NPTN: variants seen among roughly 807,000 people sequenced by gnomAD.
The protein encoded by NPTN is neuroplastin, also known as SDR-1.
Under a neutral mutation model 42.7 loss-of-function variants are expected in NPTN, and 5 were observed. That is an observed-to-expected ratio of 0.12 (90% CI 0.06 to 0.25). The LOEUF is 0.25. Among genes scored for constraint, NPTN ranks in the 10% least tolerant of loss-of-function variants. The pLI, the probability that NPTN is intolerant of heterozygous loss-of-function variation, is 1.00. For synonymous variants in NPTN, 180 were observed against 201.9 expected, an observed-to-expected ratio of 0.89 and a Z score of 0.92; for missense variants, 307 against 525.4, an observed-to-expected ratio of 0.58 and a Z score of 4.06.
At position 73,597,248 on chromosome 15, in the gene NPTN, C is replaced by T. The variant is rs1413846645; in HGVS notation, c.213G>A (p.Arg71=). ...CCCACAGCTGTCTGAAAGACTCTGC[C>T]CGGTTGACTTCTGCGTACCACCACT... ...EIQWWYAEVN[R]AESFRQLWDG... is the part of the protein sequence containing the mutation. The change falls in exon 2 of 9, where the codon CGG becomes CGA. Residue 71 remains arginine (R), a synonymous_variant. Transcript: ENST00000345330. The surrounding 1 kb of genome is among the most constrained non-coding windows in gnomAD (Gnocchi z 6.3). The T allele has an allele frequency of 2.5e-6, 4 of 1,613,924 alleles. No homozygotes were observed. In the Admixed American group the frequency reaches 6.7e-5, roughly 27 times the overall value.
At chr15:73,609,951 T>C (rs960054881) in intron 1 of NPTN, among the ~76,000 whole-genome samples, 46 of 152,350 alleles carry the variant, frequency 3.0e-4, no homozygotes, top group African/African-American at 1.1e-3. Context: ...ATTACTGTTA[T>C]AGTAATCCTA....
At chr15:73,621,274 A>T (rs1274410691) in intron 1 of NPTN, among the ~76,000 whole-genome samples, 1 of 152,250 alleles carries the variant, frequency 6.6e-6, no homozygotes, top group Non-Finnish European at 1.5e-5. Context: ...TAATTCAATG[A>T]AAAGACTGGC....
intron 1 of NPTN, among the ~76,000 whole-genome samples, chr15:73,618,306 A>G (rs1276885004): frequency 6.6e-6 from 1 of 152,208 alleles, no homozygotes; most frequent in African/African-American, 2.4e-5. Context: ...TCTACCATAC[A>G]AAGAAAGTCA....
intron 4 of NPTN, among the ~76,000 whole-genome samples, chr15:73,585,672 C>T (rs1896283278): frequency 6.6e-6 from 1 of 152,164 alleles, no homozygotes; most frequent in Non-Finnish European, 1.5e-5. Flanking sequence ...GAGATAAACA[C>T]ACAGTATATC....
chr15:73,627,911 TA>T (rs1329417792), intron 1 of NPTN, among the ~76,000 whole-genome samples: 1 of 152,142 alleles, frequency 6.6e-6, no homozygotes, highest in Non-Finnish European at 1.5e-5. Flanking sequence ...TATATAAGCC[TA>T]AAATATGTAA....
intron 1 of NPTN, among the ~76,000 whole-genome samples, chr15:73,628,653 A>T (rs1898564721): frequency 6.6e-6 from 1 of 152,198 alleles, no homozygotes; most frequent in African/African-American, 2.4e-5. Context: ...TCTTACTTTT[A>T]AAAAGTACCT....
At chr15:73,615,804 T>C (rs1347743772) in intron 1 of NPTN, among the ~76,000 whole-genome samples, 3 of 152,166 alleles carry the variant, frequency 2.0e-5, no homozygotes, top group Non-Finnish European at 4.4e-5. Flanking sequence ...TTTCCAGTTC[T>C]TACTGACAGA....
intron 4 of NPTN, among the ~76,000 whole-genome samples, chr15:73,586,563 A>G (rs1896328900): frequency 6.6e-6 from 1 of 152,200 alleles, no homozygotes; most frequent in Non-Finnish European, 1.5e-5. Context: ...GAATGTGTCT[A>G]AGCCTTTCTT....
At chr15:73,630,820 G>A (rs1595981433) in intron 1 of NPTN, among the ~76,000 whole-genome samples, 2 of 152,096 alleles carry the variant, frequency 1.3e-5, no homozygotes, top group East Asian at 1.9e-4. Flanking sequence ...ATCACTGCAG[G>A]GCTATTTATT....
intron 3 of NPTN, among the ~76,000 whole-genome samples, chr15:73,589,005 T>A (rs915665164): frequency 7.2e-5 from 11 of 151,958 alleles, no homozygotes; most frequent in African/African-American, 2.4e-4. Context: ...CAGATTCAGA[T>A]CAAGTTAAGC....
chr15:73,573,526 A>C, intron 5 of NPTN, 136 bp downstream of exon 5: 2 of 954,806 alleles, frequency 2.1e-6, no homozygotes, highest in Non-Finnish European at 3.0e-6. Context: ...TCATGCTGTA[A>C]ACCGTGACTC....
chr15:73,612,683 T>C (rs1897652265), intron 1 of NPTN, among the ~76,000 whole-genome samples: 1 of 152,062 alleles, frequency 6.6e-6, no homozygotes, highest in Admixed American at 6.6e-5. Flanking sequence ...GGCAGGACAA[T>C]GGCGTGAACC....
At chr15:73,609,617 C>T (rs1029895269) in intron 1 of NPTN, among the ~76,000 whole-genome samples, 3 of 151,970 alleles carry the variant, frequency 2.0e-5, no homozygotes, top group Non-Finnish European at 4.4e-5. Flanking sequence ...GGTGACAGAG[C>T]GAAACTCCGT....
intron 1 of NPTN, among the ~76,000 whole-genome samples, chr15:73,604,480 G>A (rs537416549): frequency 1.1e-3 from 173 of 152,202 alleles, no homozygotes; most frequent in Middle Eastern, 6.8e-3. Flanking sequence ...CAAAAATTAT[G>A]GGAATCTCTC....
At chr15:73,573,879 G>A (rs1895545253) in intron 4 of NPTN, 84 bp from the exon 5 acceptor site, 2 of 1,512,680 alleles carry the variant, frequency 1.3e-6, no homozygotes, top group African/African-American at 2.8e-5. Flanking sequence ...TCAGAGCCCT[G>A]CTTGTAATGT....
intron 1 of NPTN, among the ~76,000 whole-genome samples, chr15:73,631,138 G>A (rs1898715199): frequency 6.6e-6 from 1 of 152,066 alleles, no homozygotes; most frequent in Admixed American, 6.6e-5. Context: ...CAATTTTACC[G>A]TATTATAAAT....
chr15:73,601,810 G>C (rs1485710580), intron 1 of NPTN, among the ~76,000 whole-genome samples: 1 of 152,220 alleles, frequency 6.6e-6, no homozygotes, highest in East Asian at 1.9e-4. Context: ...AAACTGAACA[G>C]TGGTTACTGG....
At chr15:73,630,811 T>C (rs1898696523) in intron 1 of NPTN, among the ~76,000 whole-genome samples, 1 of 152,240 alleles carries the variant, frequency 6.6e-6, no homozygotes, top group Non-Finnish European at 1.5e-5. Context: ...TGAAGTCAGA[T>C]CACTGCAGGG....
intron 5 of NPTN, among the ~76,000 whole-genome samples, chr15:73,571,164 G>T (rs1895360559): frequency 6.6e-6 from 1 of 152,012 alleles, no homozygotes; most frequent in Non-Finnish European, 1.5e-5. Flanking sequence ...GTACACCTGT[G>T]GTCCCAGCTA....
Sources: allele counts gnomAD v4.1 joint callset (sites outside exome capture counted in the v4.1 genomes callset), GRCh38; gene constraint gnomAD v4.1.1; non-coding constraint Gnocchi (gnomAD v3.1); transcripts MANE v1.5; gene names NCBI Gene and HGNC (gene_info 2026-07-23, HGNC 2026-07-21).